The following ELK4 variants were observed in gnomAD, a reference collection of about 807,000 sequenced individuals.
ELK4 encodes ETS domain-containing protein Elk-4.
A neutral mutation model predicts 29.6 loss-of-function variants in ELK4; 16 were observed. That is an observed-to-expected ratio of 0.54 (90% confidence interval 0.37 to 0.82). The LOEUF (loss-of-function observed/expected upper bound fraction) is 0.82, where lower values mean the gene tolerates loss of function less well. Ranked by LOEUF, ELK4 falls within the 40% of genes least tolerant of loss-of-function variation. ELK4 has a pLI of 0.00. For synonymous variants in ELK4, 213 were observed against 191.1 expected (o/e 1.11, Z -0.95); for missense variants, 465 against 507.1 (o/e 0.92, Z 0.80).
chr1:205,628,689 G>C (rs1375880575), intron 1 of ELK4, among the ~76,000 whole-genome samples: 2 of 152,168 alleles, frequency 1.3e-5, no homozygotes, highest in African/African-American at 4.8e-5. Context: ...CAAAATAACA[G>C]GTGTTCCCCA....
rs1670115841 is a variant in ELK4, at chr1:205,609,178, A to T, written c.*7368T>A. 1 of 188,242 alleles carries T rather than the reference A, an allele frequency of 5.3e-6. No individual in the cohort carries two copies. Among genetic ancestry groups the T allele is most frequent in the East Asian group, 8.5e-5 (1 of 11,768 alleles). 11.7% of individuals were successfully genotyped at this position (188,242 alleles called of 1,614,324 possible). Reference sequence around the variant, plus strand: ...GGAAGGTCTTCTTTAAAGAAGATCGAGTAGGGCTCATGAAAAATTATTGGT... The same window carrying T: ...GGAAGGTCTTCTTTAAAGAAGATCGTGTAGGGCTCATGAAAAATTATTGGT... On this transcript the variant is annotated 3_prime_UTR_variant, in exon 5 of 5. Coordinates refer to ENST00000357992, the MANE Select transcript of ELK4 (RefSeq NM_001973.4).
rs1022596365 is a variant in ELK4, at chr1:205,614,047, T to C, written c.*2499A>G. ...TGCAGTAAGGTTGTAAACTTTGACT[T>C]AAAAAAGGATACGCACACACACACT... On this transcript the variant is annotated 3_prime_UTR_variant, in exon 5 of 5. Transcript: ENST00000357992. The C allele has an allele frequency of 2.2e-5, 5 of 224,916 alleles. No homozygotes were observed. Among genetic ancestry groups the C allele is most frequent in the Non-Finnish European group, 4.4e-5 (5 of 112,906 alleles). The allele number at this position is 224,916 out of a possible 1,614,324, so 13.9% of individuals were successfully genotyped here. A position where few individuals can be genotyped will look rare whatever the true frequency, so the allele number is the denominator to read the frequency against.
chr1:205,614,472 G>GA lies in ELK4; in HGVS notation c.*2073dup, dbSNP rs34779537. On this transcript the variant is annotated 3_prime_UTR_variant, in exon 5 of 5. Transcript: ENST00000357992. ...CATGCAAACTAAATAATTTAATATGGAAAAAAAAGTCCAATATGTCTGTTC... is the reference window on the plus strand; with the variant it reads ...CATGCAAACTAAATAATTTAATATGGAAAAAAAAAGTCCAATATGTCTGTTC... The GA allele has an allele frequency of 1.8e-5, 4 of 226,782 alleles. No homozygotes were observed. The highest frequency in any genetic ancestry group is 2.6e-5 in the Non-Finnish European group (3 of 114,268). 14.0% of individuals were successfully genotyped at this position (226,782 alleles called of 1,614,324 possible). A position where few individuals can be genotyped will look rare whatever the true frequency, so the allele number is the denominator to read the frequency against.
intron 1 of ELK4, among the ~76,000 whole-genome samples, chr1:205,625,264 A>C (rs896882733): frequency 2.0e-5 from 3 of 148,226 alleles, no homozygotes; most frequent in African/African-American, 7.5e-5. Context: ...GGGAGCCTGC[A>C]TCCAAAATAT....
intron 1 of ELK4, among the ~76,000 whole-genome samples, chr1:205,629,170 C>CAAAAAAAAAAAAAAAAAAAAAAAAAAAA (rs61374496): frequency 1.1e-5 from 1 of 92,290 alleles, no homozygotes; most frequent in Non-Finnish European, 2.1e-5. Flanking sequence ...GACTACGTCT[C>CAAAAAAAAAAAAAAAAAAAAAAAAAAAA]AAAAAAAAAA....
At chr1:205,626,864 G>C (rs1010226144) in intron 1 of ELK4, among the ~76,000 whole-genome samples, 1 of 152,114 alleles carries the variant, frequency 6.6e-6, no homozygotes, top group Non-Finnish European at 1.5e-5. Context: ...GTTCATAGCA[G>C]AATTATTCAT....
At chr1:205,628,470 A>G (rs1670508602) in intron 1 of ELK4, among the ~76,000 whole-genome samples, 1 of 152,232 alleles carries the variant, frequency 6.6e-6, no homozygotes, top group Admixed American at 6.5e-5. Context: ...TGATGAAGGA[A>G]AGACAGAGAA....
chr1:205,627,913 GGAGAGATGCTGCCCACAGTCA>G (rs1670499325), intron 1 of ELK4, among the ~76,000 whole-genome samples: 1 of 152,202 alleles, frequency 6.6e-6, no homozygotes, highest in Non-Finnish European at 1.5e-5. Flanking sequence ...GGATAGAAAG[GGAGAGATGCTGCCCACAGTCA>G]GAATTCATGG....
In ELK4 at chr1:205,614,828, C is replaced by T. The variant is rs186399931; in HGVS notation, c.*1718G>A. On this transcript the variant is annotated 3_prime_UTR_variant, in exon 5 of 5. Coordinates refer to ENST00000357992, the MANE Select transcript of ELK4 (RefSeq NM_001973.4). Reference sequence around the variant, plus strand: ...TACAGGATTAGAAGACGAGTTTAACCGGTGGGAGAGATTGGTGGGGGAGGG... The same window carrying T: ...TACAGGATTAGAAGACGAGTTTAACTGGTGGGAGAGATTGGTGGGGGAGGG... The T allele has an allele frequency of 8.9e-5, 20 of 225,806 alleles. No individual in the cohort carries two copies. The highest frequency in any genetic ancestry group is 1.8e-4 in the African/African-American group (8 of 44,932). The allele number at this position is 225,806 out of a possible 1,614,324, so 14.0% of individuals were successfully genotyped here.
At chr1:205,621,465 C>T (rs1670349159) in intron 2 of ELK4, among the ~76,000 whole-genome samples, 2 of 152,150 alleles carry the variant, frequency 1.3e-5, no homozygotes, top group African/African-American at 4.8e-5. Context: ...GAACTGCAGT[C>T]TCAAACAATT....
intron 2 of ELK4, 115 bp downstream of exon 2, chr1:205,623,561 C>G: frequency 2.6e-6 from 3 of 1,157,628 alleles, no homozygotes; most frequent in Non-Finnish European, 3.8e-6. Context: ...GTGATCCACC[C>G]TCCTTGGCCT....
chr1:205,629,170 CAAAAAAA>C (rs61374496), intron 1 of ELK4, among the ~76,000 whole-genome samples: 3 of 92,286 alleles, frequency 3.3e-5, no homozygotes, highest in African/African-American at 4.6e-5. Flanking sequence ...GACTACGTCT[CAAAAAAA>C]AAAAAAAAAA....
chr1:205,610,228 A>G lies in ELK4; in HGVS notation c.*6318T>C, dbSNP rs1283840179. On this transcript the variant is annotated 3_prime_UTR_variant, in exon 5 of 5. Coordinates refer to ENST00000357992, the MANE Select transcript of ELK4 (RefSeq NM_001973.4). ...TGTGAGCATGACTCACAATCCTTGG[A>G]AGGGAAAAGAACCAGAAGGAGCCTT... 6 of 231,732 alleles carry G rather than the reference A, an allele frequency of 2.6e-5. No homozygotes were observed. The highest frequency in any genetic ancestry group is 1.3e-3 in the Middle Eastern group (1 of 774). The allele number at this position is 231,732 out of a possible 1,614,324, so 14.4% of individuals were successfully genotyped here. A position where few individuals can be genotyped will look rare whatever the true frequency, so the allele number is the denominator to read the frequency against.
In ELK4 at chr1:205,625,872, T is replaced by C. The variant is rs903555308; in HGVS notation, c.-9-1981A>G. ...TTTTGTATTTTTAGTAGAGGTGGGGTTTCACCATGTTGGTCAGGCTGGTCT... is the reference window on the plus strand; with the variant it reads ...TTTTGTATTTTTAGTAGAGGTGGGGCTTCACCATGTTGGTCAGGCTGGTCT... On this transcript the variant is annotated intron_variant, in intron 1 of 4. Coordinates refer to ENST00000357992, the MANE Select transcript of ELK4 (RefSeq NM_001973.4). 39 of 647,700 alleles carry C rather than the reference T, an allele frequency of 6.0e-5. No individual in the cohort carries two copies. The South Asian group carries it at 6.2e-4, about 10-fold the overall frequency. 40.1% of individuals were successfully genotyped at this position (647,700 alleles called of 1,614,324 possible). A position where few individuals can be genotyped will look rare whatever the true frequency, so the allele number is the denominator to read the frequency against.
chr1:205,608,692 A>G lies in ELK4; in HGVS notation c.*7854T>C, dbSNP rs1670108289. The stretch of plus-strand genomic sequence containing the variant: ...TTAACAGTTATCCATTCCTCTGGGT[A>G]GGTGTGCACTTACATTATATGTAAG... On this transcript the variant is annotated 3_prime_UTR_variant, in exon 5 of 5. Coordinates refer to ENST00000357992, the MANE Select transcript of ELK4 (RefSeq NM_001973.4). 1 of 193,910 alleles carries G rather than the reference A, an allele frequency of 5.2e-6. No homozygotes were observed. The highest frequency in any genetic ancestry group is 6.1e-5 in the Admixed American group (1 of 16,402). 12.0% of individuals were successfully genotyped at this position (193,910 alleles called of 1,614,324 possible). A position where few individuals can be genotyped will look rare whatever the true frequency, so the allele number is the denominator to read the frequency against.
At chr1:205,625,853 AT>A (rs1180629877) in intron 1 of ELK4, 2 of 615,110 alleles carry the variant, frequency 3.3e-6, no homozygotes, top group Non-Finnish European at 5.9e-6. Flanking sequence ...TAATTTTTGT[AT>A]TTTTAGTAGA....
rs1670137320 is a variant in ELK4 at position 205,610,678 on chromosome 1, G to C, written c.*5868C>G. 1 of 231,404 alleles carries C rather than the reference G, an allele frequency of 4.3e-6. No individual in the cohort carries two copies. The highest frequency in any genetic ancestry group is 2.2e-5 in the African/African-American group (1 of 45,244). 14.3% of individuals were successfully genotyped at this position (231,404 alleles called of 1,614,324 possible). ...GTGCAAAGCATTAATCTTTTAAAAA[G>C]TGGCAACTGCAAAGTGCAGCAAATT... is the stretch of plus-strand genomic sequence containing the variant. On this transcript the variant is annotated 3_prime_UTR_variant, in exon 5 of 5. Coordinates refer to ENST00000357992, the MANE Select transcript of ELK4 (RefSeq NM_001973.4).
rs1485489857 is a variant in ELK4, at chr1:205,612,505, T to G, written c.*4041A>C. ...AACATATACCCATATGAATTTTTAA[T>G]AGGGAAAGTTTTTATGTTCAATAAC... is the stretch of plus-strand genomic sequence containing the variant. On this transcript the variant is annotated 3_prime_UTR_variant, in exon 5 of 5. Transcript: ENST00000357992. 7 of 213,656 alleles carry G rather than the reference T, an allele frequency of 3.3e-5. No individual in the cohort carries two copies. Among genetic ancestry groups the G allele is most frequent in the Non-Finnish European group, 4.7e-5 (5 of 105,912 alleles). 13.2% of individuals were successfully genotyped at this position (213,656 alleles called of 1,614,324 possible).
In ELK4 at chr1:205,620,774, A is replaced by G. The variant is rs1670325732; in HGVS notation, c.272T>C (p.Leu91Ser). The change falls in exon 3 of 5, where the codon TTG becomes TCG. Residue 91 changes from leucine to serine, a missense_variant. This residue lies in a region of ELK4 where 385 missense variants were observed against 387.5 expected (regional missense o/e 0.99). Transcript: ENST00000357992. ...GCCCACTGTCATTGGATCCATGTTC[A>G]AAATCTCTGGATAAGAGACAAACTT... ...VYKFVSYPEI[L>S]NMDPMTVGRI... is the part of the protein sequence containing the mutation. The G allele has an allele frequency of 1.9e-6, 3 of 1,613,976 alleles. No individual in the cohort carries two copies. The highest frequency in any genetic ancestry group is 8.5e-7 in the Non-Finnish European group (1 of 1,180,036).
Sources: gnomAD v4.1 joint callset for allele counts (sites outside exome capture counted in the v4.1 genomes callset) on GRCh38, gnomAD v4.1.1 for gene constraint, gnomAD v4.1.1 regional missense constraint, MANE v1.5 for transcripts, NCBI Gene and HGNC (gene_info 2026-07-23, HGNC 2026-07-21) for gene names.